Variants in PKP4 observed in about 807,000 individuals in gnomAD.
The protein encoded by PKP4 is plakophilin-4.
In PKP4, 90 loss-of-function variants were observed where a neutral mutation model predicts 145.1. That is an observed-to-expected ratio of 0.62 (90% CI 0.52 to 0.74). The LOEUF is 0.74. Among genes scored for constraint, PKP4 ranks in the 30% least tolerant of loss-of-function variants. PKP4 has a pLI of 0.00. For missense variants in PKP4, 1,340 were observed against 1,482.7 expected, an observed-to-expected ratio of 0.90 and a Z score of 1.58; for synonymous variants, 563 against 577.2, an observed-to-expected ratio of 0.98 and a Z score of 0.35.
At chr2:158,597,728 A>G (rs983287736) in intron 3 of PKP4, among the ~76,000 whole-genome samples, 11 of 152,182 alleles carry the variant, frequency 7.2e-5, no homozygotes, top group African/African-American at 1.9e-4. Flanking sequence ...GTTATTGGCT[A>G]TGGTTTATTT....
chr2:158,576,979 A>T (rs1310421163), intron 2 of PKP4, among the ~76,000 whole-genome samples: 2 of 152,226 alleles, frequency 1.3e-5, no homozygotes, highest in African/African-American at 4.8e-5. Flanking sequence ...TTAGTAAGGC[A>T]CTGTAGCAGA....
chr2:158,478,387 T>A (rs1425997331), intron 1 of PKP4, among the ~76,000 whole-genome samples: 1 of 152,096 alleles, frequency 6.6e-6, no homozygotes, highest in African/African-American at 2.4e-5. Context: ...TCCTTTAGAC[T>A]ATGCCGATAG....
chr2:158,665,328 A>G (rs992414267), intron 15 of PKP4, among the ~76,000 whole-genome samples: 1 of 152,154 alleles, frequency 6.6e-6, no homozygotes, highest in Non-Finnish European at 1.5e-5. Context: ...TTTTCCCCCC[A>G]TAGATTTCAT....
At chr2:158,535,948 C>A (rs2043999985) in intron 2 of PKP4, among the ~76,000 whole-genome samples, 1 of 152,128 alleles carries the variant, frequency 6.6e-6, no homozygotes, top group South Asian at 2.1e-4. Context: ...TCTCAGTTTG[C>A]TCATTTATAA....
In PKP4 at chr2:158,680,434, A is replaced by G. The variant is rs1260672364; in HGVS notation, c.3336A>G (p.Gln1112=). The G allele has an allele frequency of 8.8e-6, 14 of 1,587,162 alleles. No individual in the cohort carries two copies. Among genetic ancestry groups the G allele is most frequent in the East Asian group, 2.2e-5 (1 of 44,520 alleles). The change falls in exon 22 of 22, where the codon CAA becomes CAG. Residue 1112 remains glutamine, a synonymous_variant. Coordinates refer to ENST00000389759, the MANE Select transcript of PKP4 (RefSeq NM_003628.6). The part of the protein sequence containing the change: ...AREQNRRLQH[Q]QLYYSQDDSN... ...CCTTTTCATTTTGTCAACAGCATCAACAGCTGTATTATAGTCAAGATGACT... is the reference window on the plus strand; with the variant it reads ...CCTTTTCATTTTGTCAACAGCATCAGCAGCTGTATTATAGTCAAGATGACT...
intron 11 of PKP4, among the ~76,000 whole-genome samples, chr2:158,650,032 G>A (rs991515873): frequency 6.6e-6 from 1 of 152,154 alleles, no homozygotes; most frequent in Non-Finnish European, 1.5e-5. Context: ...AGTTTCTTGG[G>A]CAAATCTCTA....
intron 1 of PKP4, among the ~76,000 whole-genome samples, chr2:158,496,525 C>A (rs1042448527): frequency 1.3e-5 from 2 of 152,124 alleles, no homozygotes; most frequent in African/African-American, 2.4e-5. Context: ...TCCATCTGTC[C>A]TCTGGTCTGA....
chr2:158,633,100 A>G (rs1013422223), intron 8 of PKP4, among the ~76,000 whole-genome samples: 20 of 152,336 alleles, frequency 1.3e-4, no homozygotes, highest in African/African-American at 4.8e-4. Flanking sequence ...TAGATTTTCC[A>G]GTGTTATTAC....
intron 1 of PKP4, among the ~76,000 whole-genome samples, chr2:158,526,100 T>C (rs1347372101): frequency 6.6e-6 from 1 of 151,060 alleles, no homozygotes; most frequent in African/African-American, 2.4e-5. Flanking sequence ...TTCCAATGAA[T>C]AGAAAAAGAG....
chr2:158,517,822 C>T (rs1390823529), intron 1 of PKP4, among the ~76,000 whole-genome samples: 1 of 151,702 alleles, frequency 6.6e-6, no homozygotes, highest in Non-Finnish European at 1.5e-5. Context: ...AGAAGCTGAG[C>T]TGAGGATTGC....
intron 11 of PKP4, among the ~76,000 whole-genome samples, chr2:158,655,368 G>A (rs1456568382): frequency 6.6e-6 from 1 of 152,142 alleles, no homozygotes; most frequent in African/African-American, 2.4e-5. Context: ...CTTGCCAGAA[G>A]TAGGTGTTAG....
At chr2:158,644,798 T>C (rs1345528033) in intron 11 of PKP4, among the ~76,000 whole-genome samples, 1 of 152,230 alleles carries the variant, frequency 6.6e-6, no homozygotes, top group East Asian at 1.9e-4. Context: ...TCCACCTCTG[T>C]TTCTTTAGAG....
At chr2:158,500,872 T>G (rs1696455616) in intron 1 of PKP4, among the ~76,000 whole-genome samples, 1 of 152,188 alleles carries the variant, frequency 6.6e-6, no homozygotes, top group Admixed American at 6.5e-5. Context: ...TTGGGCAGAA[T>G]GAATAGCAGA....
chr2:158,481,841 A>G (rs1198842507), intron 1 of PKP4, among the ~76,000 whole-genome samples: 1 of 152,248 alleles, frequency 6.6e-6, no homozygotes, highest in Non-Finnish European at 1.5e-5. Flanking sequence ...TGACTGCCAC[A>G]TAAGACATAA....
At chr2:158,458,450 G>A (rs1360873777) in intron 1 of PKP4, 1 of 152,386 alleles carries the variant, frequency 6.6e-6, no homozygotes, top group Non-Finnish European at 1.5e-5. Flanking sequence ...TGGGGCCGAT[G>A]ACTGTGTAGC....
intron 2 of PKP4, among the ~76,000 whole-genome samples, chr2:158,560,937 A>G (rs1021266089): frequency 6.6e-6 from 1 of 152,176 alleles, no homozygotes; most frequent in African/African-American, 2.4e-5. Context: ...TCTTTGTCAA[A>G]TCGTATGCCT....
At chr2:158,519,109 C>T (rs772658920) in intron 1 of PKP4, among the ~76,000 whole-genome samples, 1 of 151,524 alleles carries the variant, frequency 6.6e-6, no homozygotes, top group Non-Finnish European at 1.5e-5. Flanking sequence ...GCTCTAGTCA[C>T]CAAACTGTTC....
intron 2 of PKP4, among the ~76,000 whole-genome samples, chr2:158,555,007 C>A (rs920040824): frequency 6.6e-6 from 1 of 152,104 alleles, no homozygotes; most frequent in African/African-American, 2.4e-5. Context: ...ATATGAATAG[C>A]TTCCAAAGAA....
At chr2:158,519,224 T>C (rs2042158244) in intron 1 of PKP4, among the ~76,000 whole-genome samples, 1 of 152,200 alleles carries the variant, frequency 6.6e-6, no homozygotes, top group South Asian at 2.1e-4. Flanking sequence ...AAATTCATTT[T>C]GCTATTCATC....
Sources: allele counts gnomAD v4.1 joint callset (sites outside exome capture counted in the v4.1 genomes callset), GRCh38; gene constraint gnomAD v4.1.1; transcripts MANE v1.5; gene names NCBI Gene and HGNC (gene_info 2026-07-23, HGNC 2026-07-21).